Variants in TATDN3 observed in about 807,000 individuals in gnomAD.
The protein encoded by TATDN3 is TatD DNase domain containing 3.
A neutral mutation model predicts 40.1 loss-of-function variants in TATDN3; 29 were observed. The ratio of observed to expected loss-of-function variants is 0.72; its 90% confidence interval spans 0.54 to 0.99. The LOEUF (loss-of-function observed/expected upper bound fraction) is 0.99. Ranked by LOEUF, TATDN3 falls within the 50% of genes least tolerant of loss-of-function variation. The pLI is 0.00. For missense variants in TATDN3, 309 were observed against 321.9 expected, an observed-to-expected ratio of 0.96 and a Z score of 0.31; for synonymous variants, 105 against 117.0, an observed-to-expected ratio of 0.90 and a Z score of 0.66.
In TATDN3 at chr1:212,795,432, A is replaced by T. The variant is rs1034098817; in HGVS notation, c.99+305A>T. On this transcript the variant is annotated intron_variant, in intron 2 of 9. Coordinates refer to ENST00000366974, the MANE Select transcript of TATDN3 (RefSeq NM_001042552.3). The stretch of plus-strand genomic sequence containing the variant: ...ACTATAGGCACACGTCACTGCACCC[A>T]GATAATTTTTGTATTTTTAGTAGAG... Among the ~76,000 whole-genome samples the T allele has an allele frequency of 2.0e-5, 3 of 151,970 alleles. No individual in the cohort carries two copies. In the East Asian group the frequency reaches 5.8e-4, roughly 29 times the overall value.
intron 7 of TATDN3, among the ~76,000 whole-genome samples, chr1:212,805,482 C>G (rs1344381870): frequency 6.6e-6 from 1 of 152,166 alleles, no homozygotes; most frequent in African/African-American, 2.4e-5. Context: ...TCTTGAACTC[C>G]TGACCTCAGG....
At chr1:212,811,196 C>T (rs1394600905) in intron 8 of TATDN3, among the ~76,000 whole-genome samples, 2 of 151,682 alleles carry the variant, frequency 1.3e-5, no homozygotes, top group East Asian at 1.9e-4. Context: ...AGTGCAGTGG[C>T]GCGATCTCAG....
Position 212,797,146 on chromosome 1 carries a change from C to T in TATDN3, c.208C>T (p.His70Tyr). ...GTTTGTCCTGCCATGCTTGGGTGTT[C>T]ATCCAGTTCAAGGACTTCCACCAGA... ...NGFVLPCLGV[H>Y]PVQGLPPEDQ... Residue 70 changes from histidine (H) to tyrosine (Y), a missense_variant, in exon 4 of 10, where the codon CAT becomes TAT. Physicochemically the swap from His to Tyr is moderately conservative, Grantham distance 83. Transcript: ENST00000366974. 6.2e-7 allele frequency: 1 copy of T among 1,614,092 alleles called. No individual in the cohort carries two copies. Among genetic ancestry groups the T allele is most frequent in the Non-Finnish European group, 8.5e-7 (1 of 1,180,014 alleles).
Position 212,791,971 on chromosome 1 carries a change from C to T in TATDN3, c.50C>T (p.Ala17Val), listed in dbSNP as rs1270262774. The change falls in exon 1 of 10, where the codon GCC (alanine) becomes GTC (valine). Residue 17 changes from alanine to valine, a missense_variant. By Grantham distance (64) the Ala-to-Val change is moderately conservative. Coordinates refer to ENST00000366974, the MANE Select transcript of TATDN3 (RefSeq NM_001042552.3). Reference protein sequence around the residue: ...GLVDCHCHLSAPDFDRDLDDV... With the variant: ...GLVDCHCHLSVPDFDRDLDDV... The stretch of plus-strand genomic sequence containing the variant: ...GTGGACTGTCACTGCCACCTCTCCG[C>T]CCCGGACTTTGACCGCGTATGTGAG... 2.5e-6 allele frequency: 4 copies of T among 1,614,050 alleles called. No homozygotes were observed. The highest frequency in any genetic ancestry group is 3.4e-6 in the Non-Finnish European group (4 of 1,179,988).
intron 7 of TATDN3, among the ~76,000 whole-genome samples, chr1:212,805,931 T>TACAC (rs148773666): frequency 0.66 from 99,970 of 151,732 alleles, 33,261 homozygotes; most frequent in Non-Finnish European, 0.69. Context: ...GTGTGCTACA[T>TACAC]ACACACATAC....
At chr1:212,800,474 C>CA (rs1662103580) in intron 4 of TATDN3, among the ~76,000 whole-genome samples, 1 of 151,630 alleles carries the variant, frequency 6.6e-6, no homozygotes, top group African/African-American at 2.4e-5. Flanking sequence ...GCTGCCCCTG[C>CA]ATGGAGGGTA....
chr1:212,793,923 C>T (rs1661538326), intron 1 of TATDN3, among the ~76,000 whole-genome samples: 1 of 152,034 alleles, frequency 6.6e-6, no homozygotes, highest in Non-Finnish European at 1.5e-5. Flanking sequence ...TAATCCCATC[C>T]AAATGAAGAT....
chr1:212,802,532 T>TAG (rs1473128514), intron 4 of TATDN3, among the ~76,000 whole-genome samples, 169 bp from the exon 5 acceptor site: 1 of 152,192 alleles, frequency 6.6e-6, no homozygotes. Context: ...AACTTACAGG[T>TAG]AGAGGTACTC....
intron 5 of TATDN3, 59 bp from the exon 6 acceptor site, chr1:212,804,260 AG>A: frequency 8.3e-7 from 1 of 1,208,542 alleles, no homozygotes; most frequent in Non-Finnish European, 1.2e-6. Context: ...ATCAATCCAA[AG>A]ATCTCTTTTG....
At chr1:212,802,612 A>C (rs778487739) in intron 4 of TATDN3, 89 bp from the exon 5 acceptor site, 23 of 852,192 alleles carry the variant, frequency 2.7e-5, no homozygotes, top group South Asian at 2.2e-4. Context: ...GTAAAGCACC[A>C]GGATGGCATA....
intron 7 of TATDN3, among the ~76,000 whole-genome samples, chr1:212,806,430 G>A (rs1027831874): frequency 6.9e-6 from 1 of 144,762 alleles, no homozygotes. Context: ...GATTGCAGTG[G>A]GGCGATCTCT....
intron 1 of TATDN3, 27 bp downstream of exon 1, chr1:212,792,014 G>A (rs1290435877): frequency 2.5e-6 from 4 of 1,610,550 alleles, no homozygotes; most frequent in South Asian, 1.1e-5. Flanking sequence ...CGGGACCAGA[G>A]GGAGCAGGGA....
chr1:212,815,214 A>T lies in TATDN3; in HGVS notation c.*58A>T. 1 of 1,541,884 alleles carries T rather than the reference A, an allele frequency of 6.5e-7. No individual in the cohort carries two copies. Among genetic ancestry groups the T allele is most frequent in the South Asian group, 1.3e-5 (1 of 79,828 alleles). ...CTGCAGGGGGCAGCATTTGAAAAATAGAAATGTTCTGATGAAGAATCTGAA... is the reference window on the plus strand; with the variant it reads ...CTGCAGGGGGCAGCATTTGAAAAATTGAAATGTTCTGATGAAGAATCTGAA... On this transcript the variant is annotated 3_prime_UTR_variant, in exon 10 of 10. Coordinates refer to ENST00000366974, the MANE Select transcript of TATDN3 (RefSeq NM_001042552.3).
At chr1:212,805,343 C>A (rs1662395642) in intron 7 of TATDN3, among the ~76,000 whole-genome samples, 1 of 152,162 alleles carries the variant, frequency 6.6e-6, no homozygotes, top group Non-Finnish European at 1.5e-5. Flanking sequence ...GCAACCTCCA[C>A]CTCCTGGGTT....
chr1:212,805,628 A>G (rs367949829), intron 7 of TATDN3, among the ~76,000 whole-genome samples: 2 of 152,180 alleles, frequency 1.3e-5, no homozygotes, highest in South Asian at 2.1e-4. Flanking sequence ...AAGGGCAATC[A>G]CAGCAATCAC....
At chr1:212,812,417 A>T (rs904743201) in intron 9 of TATDN3, 89 bp downstream of exon 9, 2 of 732,966 alleles carry the variant, frequency 2.7e-6, no homozygotes, top group African/African-American at 3.7e-5. Flanking sequence ...TTATAGTGTA[A>T]ATACAGTGGA....
At chr1:212,800,057 T>G (rs1318585275) in intron 4 of TATDN3, among the ~76,000 whole-genome samples, 1 of 152,198 alleles carries the variant, frequency 6.6e-6, no homozygotes, top group Non-Finnish European at 1.5e-5. Context: ...AAATATGTGG[T>G]ACAAAGCTAG....
At chr1:212,792,045 G>T in intron 1 of TATDN3, 58 bp downstream of exon 1, 1 of 1,560,472 alleles carries the variant, frequency 6.4e-7, no homozygotes, top group Non-Finnish European at 8.8e-7. Context: ...CTTTCCCCTC[G>T]TGTTATCTTT....
chr1:212,813,682 T>C (rs1663027577), intron 9 of TATDN3, among the ~76,000 whole-genome samples: 1 of 151,418 alleles, frequency 6.6e-6, no homozygotes, highest in Non-Finnish European at 1.5e-5. Context: ...AGGCATGTGC[T>C]ACCATGCCTG....
Sources: allele counts gnomAD v4.1 joint callset (sites outside exome capture counted in the v4.1 genomes callset), GRCh38; gene constraint gnomAD v4.1.1; transcripts MANE v1.5; gene names NCBI Gene and HGNC (gene_info 2026-07-23, HGNC 2026-07-21).